SV2B: variants seen among roughly 807,000 people sequenced by gnomAD.
The protein encoded by SV2B is synaptic vesicle glycoprotein 2B.
SV2B carries 41 observed loss-of-function variants against 73.9 expected under a neutral mutation model. The observed-to-expected ratio is 0.56, with a 90% confidence interval of 0.43 to 0.72. The LOEUF (loss-of-function observed/expected upper bound fraction) is 0.72. Among genes scored for constraint, SV2B ranks in the 30% least tolerant of loss-of-function variants. SV2B has a pLI of 0.00. For missense variants in SV2B, 764 were observed against 857.8 expected (o/e 0.89, Z 1.37); for synonymous variants, 314 against 314.2 (o/e 1.00, Z 0.01).
intron 9 of SV2B, among the ~76,000 whole-genome samples, chr15:91,269,199 G>T (rs1439211796): frequency 1.3e-5 from 2 of 152,014 alleles, no homozygotes; most frequent in Non-Finnish European, 2.9e-5. Flanking sequence ...CCTCCTCCTG[G>T]TTCTGGGACA....
Position 91,289,644 on chromosome 15 carries a change from A to T in SV2B, c.1832A>T (p.Asp611Val). 6.2e-7 allele frequency: 1 copy of T among 1,613,932 alleles called. No individual in the cohort carries two copies. The highest frequency in any genetic ancestry group is 8.5e-7 in the Non-Finnish European group (1 of 1,180,024). ...AGCATTGCAGCCTGGAATGCTCTGGATGTGATCACAGTGGAGCTGTATCCC... is the reference window on the plus strand; with the variant it reads ...AGCATTGCAGCCTGGAATGCTCTGGTTGTGATCACAGTGGAGCTGTATCCC... ...GTSIAAWNAL[D>V]VITVELYPTN... Residue 611 changes from aspartate to valine, a missense_variant, in exon 12 of 13, where the codon GAT becomes GTT. Coordinates refer to ENST00000394232, the MANE Select transcript of SV2B (RefSeq NM_001323032.3). This position sits in a 1 kb window ranked among gnomAD's most constrained non-coding sequence, Gnocchi z 4.9.
intron 2 of SV2B, among the ~76,000 whole-genome samples, chr15:91,249,409 C>G (rs1282887927): frequency 6.6e-6 from 1 of 152,176 alleles, no homozygotes; most frequent in Non-Finnish European, 1.5e-5. Flanking sequence ...TTTTCTCACT[C>G]ATAGATAATC....
intron 1 of SV2B, among the ~76,000 whole-genome samples, chr15:91,148,675 A>G (rs893527717): frequency 1.9e-4 from 29 of 152,180 alleles, no homozygotes; most frequent in African/African-American, 7.0e-4. Context: ...TATATGAAGA[A>G]TTGATTCACA....
chr15:91,161,573 C>G (rs1291328733), intron 1 of SV2B, among the ~76,000 whole-genome samples: 2 of 152,144 alleles, frequency 1.3e-5, no homozygotes, highest in Non-Finnish European at 2.9e-5. Flanking sequence ...TTTGCACATT[C>G]TAAGTCATTT....
chr15:91,126,151 C>T (rs2042476231), intron 1 of SV2B, among the ~76,000 whole-genome samples: 2 of 152,172 alleles, frequency 1.3e-5, no homozygotes, highest in Admixed American at 1.3e-4. Flanking sequence ...CTAAGAAAGA[C>T]AGCATCTAGC....
At chr15:91,182,708 A>T (rs969108520) in intron 1 of SV2B, among the ~76,000 whole-genome samples, 1 of 152,228 alleles carries the variant, frequency 6.6e-6, no homozygotes. Context: ...TTATGGCAGA[A>T]GTCAGCAGCA....
At chr15:91,164,858 T>C (rs2043853750) in intron 1 of SV2B, among the ~76,000 whole-genome samples, 1 of 152,228 alleles carries the variant, frequency 6.6e-6, no homozygotes, top group African/African-American at 2.4e-5. Flanking sequence ...AGGGGCACGC[T>C]GTTAAAAGTG....
intron 9 of SV2B, among the ~76,000 whole-genome samples, chr15:91,272,987 C>T (rs1264551321): frequency 6.6e-6 from 1 of 151,916 alleles, no homozygotes; most frequent in Non-Finnish European, 1.5e-5. Flanking sequence ...CGCGTGCCAC[C>T]ATGCCCGGCT....
chr15:91,170,181 G>A (rs1278507456), intron 1 of SV2B, among the ~76,000 whole-genome samples: 3 of 152,186 alleles, frequency 2.0e-5, no homozygotes, highest in Non-Finnish European at 2.9e-5. Flanking sequence ...TTAGGAGACT[G>A]CAGTGTCAGT....
chr15:91,300,567 A>G lies in SV2B; in HGVS notation c.*8015A>G, dbSNP rs891486889. 1.3e-5 allele frequency: 2 copies of G among 152,210 alleles called. No individual in the cohort carries two copies. Among genetic ancestry groups the G allele is most frequent in the African/African-American group, 2.4e-5 (1 of 41,462 alleles). 9.4% of individuals were successfully genotyped at this position (152,210 alleles called of 1,614,324 possible). A position where few individuals can be genotyped will look rare whatever the true frequency, so the allele number is the denominator to read the frequency against. On this transcript the variant is annotated 3_prime_UTR_variant, in exon 13 of 13. Transcript: ENST00000394232. ...AGGATTAACAGGTTTCATTCTCTCC[A>G]GTGGGAGGTGGCCTAGACAGGTGCC...
In SV2B at chr15:91,267,530, A is replaced by G; in HGVS notation, c.1120-25A>G. The G allele has an allele frequency of 6.3e-7, 1 of 1,597,152 alleles. No individual in the cohort carries two copies. The highest frequency in any genetic ancestry group is 8.6e-7 in the Non-Finnish European group (1 of 1,166,030). ...AAAGTCACACATTGCTTTCTTTAAC[A>G]ATCCTTCTCTGGTATGGGTTGTAGG... On this transcript the variant is annotated intron_variant, in intron 7 of 12. Coordinates refer to ENST00000394232, the MANE Select transcript of SV2B (RefSeq NM_001323032.3). This position sits in a 1 kb window ranked among gnomAD's most constrained non-coding sequence, Gnocchi z 4.3.
chr15:91,225,886 G>T lies in SV2B; in HGVS notation c.-378G>T. 8.3e-6 allele frequency: 2 copies of T among 241,494 alleles called. No homozygotes were observed. Among genetic ancestry groups the T allele is most frequent in the South Asian group, 6.2e-5 (1 of 16,054 alleles). The allele number at this position is 241,494 out of a possible 1,614,324, so 15.0% of individuals were successfully genotyped here. On this transcript the variant is annotated 5_prime_UTR_variant, in exon 2 of 13. Transcript: ENST00000394232. ...CTCTGTTCTCAGAGCATAACCTTCGGTGGCAGGACAAATCAGGCCAGCACG... is the reference window on the plus strand; with the variant it reads ...CTCTGTTCTCAGAGCATAACCTTCGTTGGCAGGACAAATCAGGCCAGCACG...
chr15:91,190,322 T>C (rs967337242), intron 1 of SV2B, among the ~76,000 whole-genome samples: 17 of 137,684 alleles, frequency 1.2e-4, no homozygotes, highest in Non-Finnish European at 1.6e-4. Flanking sequence ...ACCTTTTCAT[T>C]TTCAGTGTTT....
intron 1 of SV2B, among the ~76,000 whole-genome samples, chr15:91,213,924 C>T (rs1420885435): frequency 1.3e-5 from 2 of 152,098 alleles, no homozygotes; most frequent in Non-Finnish European, 2.9e-5. Flanking sequence ...GAGGCTTTTT[C>T]CTTGACAATC....
Position 91,223,516 on chromosome 15 carries a change from A to G in SV2B, c.-391-2357A>G, listed in dbSNP as rs894197075. ...TTTGCCCTGGGTGGTGAGTCCCACA[A>G]GTGCTTTTGGAATTGCAAGTCTATC... is the stretch of plus-strand genomic sequence containing the variant. On this transcript the variant is annotated intron_variant, in intron 1 of 12. Transcript: ENST00000394232. This position sits in a 1 kb window ranked among gnomAD's most constrained non-coding sequence, Gnocchi z 4.6. Among the ~76,000 whole-genome samples, 23 of 152,126 alleles carry G rather than the reference A, an allele frequency of 1.5e-4. No homozygotes were observed. Among genetic ancestry groups the G allele is most frequent in the Admixed American group, 6.5e-4 (10 of 15,282 alleles).
intron 1 of SV2B, among the ~76,000 whole-genome samples, chr15:91,194,039 C>T (rs913628372): frequency 1.3e-5 from 2 of 151,384 alleles, no homozygotes; most frequent in South Asian, 4.2e-4. Flanking sequence ...AGGAACCTGG[C>T]CAGGGCACTG....
At chr15:91,278,643 C>CAGTCCGT (rs1227400011) in intron 9 of SV2B, among the ~76,000 whole-genome samples, 10 of 101,126 alleles carry the variant, frequency 9.9e-5, no homozygotes, top group Admixed American at 4.1e-4. Flanking sequence ...TGCGCCACTG[C>CAGTCCGT]AGTCCGGCCT....
chr15:91,227,313 G>A lies in SV2B; in HGVS notation c.451+599G>A, dbSNP rs941585671. Among the ~76,000 whole-genome samples the A allele has an allele frequency of 2.6e-5, 4 of 152,166 alleles. No individual in the cohort carries two copies. Among genetic ancestry groups the A allele is most frequent in the African/African-American group, 9.6e-5 (4 of 41,460 alleles). On this transcript the variant is annotated intron_variant, in intron 2 of 12. Coordinates refer to ENST00000394232, the MANE Select transcript of SV2B (RefSeq NM_001323032.3). This position sits in a 1 kb window ranked among gnomAD's most constrained non-coding sequence, Gnocchi z 4.5. ...GCACAGATGGATTCTGCAGGATAGA[G>A]GACCAGCTTTGCAAATCAATTAAGA...
In SV2B at chr15:91,139,901, A is replaced by G. The variant is rs989690768; in HGVS notation, c.-392+39538A>G. 6.6e-6 allele frequency among the ~76,000 whole-genome samples: 1 copy of G among 152,212 alleles called. No homozygotes were observed. Among genetic ancestry groups the G allele is most frequent in the Non-Finnish European group, 1.5e-5 (1 of 68,036 alleles). On this transcript the variant is annotated intron_variant, in intron 1 of 12. Transcript: ENST00000394232. The surrounding 1 kb of genome is among the most constrained non-coding windows in gnomAD (Gnocchi z 5.2). ...CCAAGGAAGGGAGGAAGATCCGGCC[A>G]CTTTGTTCCTAGAGTTTGGTGAGAG...
Sources: gnomAD v4.1 joint callset for allele counts (sites outside exome capture counted in the v4.1 genomes callset) on GRCh38, gnomAD v4.1.1 for gene constraint, Gnocchi (gnomAD v3.1) non-coding constraint, MANE v1.5 for transcripts, NCBI Gene and HGNC (gene_info 2026-07-23, HGNC 2026-07-21) for gene names.